DLG2: variants seen among roughly 807,000 people sequenced by gnomAD.
DLG2 encodes discs large MAGUK scaffold protein 2.
In DLG2, 45 loss-of-function variants were observed where a neutral mutation model predicts 132.5. That is an observed-to-expected ratio of 0.34 (90% CI 0.27 to 0.44). The LOEUF is 0.44. Ranked by LOEUF, DLG2 falls within the 20% of genes least tolerant of loss-of-function variation. DLG2 has a pLI of 1.00. For synonymous variants in DLG2, 424 were observed against 419.6 expected, an observed-to-expected ratio of 1.01 and a Z score of -0.13; for missense variants, 1,045 against 1,196.9, an observed-to-expected ratio of 0.87 and a Z score of 1.87.
intron 19 of DLG2, among the ~76,000 whole-genome samples, chr11:83,599,268 C>T (rs1163634717): frequency 6.6e-6 from 1 of 152,162 alleles, no homozygotes; most frequent in African/African-American, 2.4e-5. Flanking sequence ...TCTCGGACTT[C>T]CCCTTCCCTC....
intron 18 of DLG2, among the ~76,000 whole-genome samples, chr11:83,662,865 G>T (rs1356495957): frequency 6.6e-6 from 1 of 152,180 alleles, no homozygotes; most frequent in African/African-American, 2.4e-5. Context: ...CAGGATCACA[G>T]GATTTTGTGG....
intron 3 of DLG2, among the ~76,000 whole-genome samples, chr11:85,474,950 C>G (rs1055924883): frequency 2.7e-5 from 4 of 150,304 alleles, no homozygotes; most frequent in Non-Finnish European, 4.5e-5. Flanking sequence ...ATTTAAAAGG[C>G]AGAAAAATAT....
intron 8 of DLG2, among the ~76,000 whole-genome samples, chr11:84,216,475 T>C (rs1413196245): frequency 1.3e-5 from 2 of 152,236 alleles, no homozygotes; most frequent in African/African-American, 2.4e-5. Flanking sequence ...ATATTTGTTT[T>C]ACATGTAACG....
intron 6 of DLG2, among the ~76,000 whole-genome samples, chr11:85,042,432 GC>G (rs1184750477): frequency 1.3e-5 from 2 of 151,966 alleles, no homozygotes; most frequent in African/African-American, 4.8e-5. Context: ...CTTAATTCTT[GC>G]AACATCCAAT....
intron 6 of DLG2, among the ~76,000 whole-genome samples, chr11:84,961,690 T>C (rs2052603409): frequency 2.6e-5 from 4 of 152,112 alleles, no homozygotes; most frequent in Non-Finnish European, 5.9e-5. Context: ...GATAAGGACA[T>C]AAATGTTAAT....
At chr11:85,022,753 C>T (rs1434455291) in intron 6 of DLG2, among the ~76,000 whole-genome samples, 4 of 151,924 alleles carry the variant, frequency 2.6e-5, no homozygotes, top group African/African-American at 9.7e-5. Flanking sequence ...TGATATGTAC[C>T]CGAACAAGTT....
At chr11:84,402,994 TTC>T (rs58666610) in intron 7 of DLG2, among the ~76,000 whole-genome samples, 173 of 148,510 alleles carry the variant, frequency 1.2e-3, no homozygotes, top group Non-Finnish European at 1.1e-3. Context: ...CCCACTCCAA[TTC>T]TCTCTCTCTC....
At chr11:85,092,881 T>C (rs371887062) in intron 6 of DLG2, among the ~76,000 whole-genome samples, 1 of 152,292 alleles carries the variant, frequency 6.6e-6, no homozygotes, top group East Asian at 1.9e-4. Flanking sequence ...GACCTCATGA[T>C]CCACCTGTCT....
chr11:83,998,824 G>C (rs1006927364), intron 11 of DLG2, among the ~76,000 whole-genome samples: 4 of 152,130 alleles, frequency 2.6e-5, no homozygotes, highest in African/African-American at 9.7e-5. Flanking sequence ...CAGTGCCAGG[G>C]CTAAGGTGCA....
chr11:83,776,010 T>C (rs1443319481), intron 18 of DLG2, among the ~76,000 whole-genome samples: 1 of 152,210 alleles, frequency 6.6e-6, no homozygotes, highest in Non-Finnish European at 1.5e-5. Flanking sequence ...GAGAATGGTG[T>C]GAACCCAGGA....
At chr11:83,997,440 C>T (rs750882638) in intron 11 of DLG2, among the ~76,000 whole-genome samples, 2 of 151,972 alleles carry the variant, frequency 1.3e-5, no homozygotes, top group Non-Finnish European at 2.9e-5. Context: ...ACTGTAAAGA[C>T]TATGCCAAAT....
rs2059995856 is a variant in DLG2, at chr11:85,020,856, T to C, written c.357+90805A>G. On this transcript the variant is annotated intron_variant, in intron 6 of 27. Coordinates refer to ENST00000376104, the MANE Select transcript of DLG2 (RefSeq NM_001142699.3). ...GCTGGCCATCCCCCAATCTTCATTG[T>C]CATCATCCAGTAGGTCCCCCTCCTC... 1.5e-5 allele frequency: 11 copies of C among 757,008 alleles called. 1 individual carries two copies. In the East Asian group the frequency reaches 2.5e-4, roughly 17 times the overall value. The allele number at this position is 757,008 out of a possible 1,614,324, so 46.9% of individuals were successfully genotyped here.
chr11:85,480,294 A>G (rs1350099201), intron 3 of DLG2, among the ~76,000 whole-genome samples: 1 of 152,220 alleles, frequency 6.6e-6, no homozygotes, highest in East Asian at 1.9e-4. Context: ...AAAAACAGTT[A>G]CAAAATATTC....
intron 18 of DLG2, among the ~76,000 whole-genome samples, chr11:83,670,832 T>A (rs1158834796): frequency 6.6e-6 from 1 of 152,164 alleles, no homozygotes; most frequent in Non-Finnish European, 1.5e-5. Flanking sequence ...AAATTGATAT[T>A]TCCAATAATA....
At chr11:84,234,081 A>T (rs2097128686) in intron 8 of DLG2, among the ~76,000 whole-genome samples, 1 of 152,176 alleles carries the variant, frequency 6.6e-6, no homozygotes, top group Non-Finnish European at 1.5e-5. Flanking sequence ...AGAATGCCTC[A>T]CATGCAGCAC....
rs1001860345 is a variant in DLG2, at chr11:84,299,838, A to G, written c.520-48547T>C. On this transcript the variant is annotated intron_variant, in intron 7 of 27. Coordinates refer to ENST00000376104, the MANE Select transcript of DLG2 (RefSeq NM_001142699.3). ...CTTCGAAAATAATGTTTCTTCTACT[A>G]GAAACCAGACTGCTGTCATGCTGCA... Among the ~76,000 whole-genome samples, 3 of 152,200 alleles carry G rather than the reference A, an allele frequency of 2.0e-5. No homozygotes were observed. The South Asian group carries it at 6.2e-4, about 31-fold the overall frequency.
chr11:85,155,880 C>T (rs1180210358), intron 4 of DLG2, among the ~76,000 whole-genome samples: 1 of 151,858 alleles, frequency 6.6e-6, no homozygotes, highest in East Asian at 1.9e-4. Flanking sequence ...AAAAAAATCC[C>T]CTCACTTTAA....
chr11:83,761,770 G>A (rs2093921876), intron 18 of DLG2, among the ~76,000 whole-genome samples: 1 of 152,184 alleles, frequency 6.6e-6, no homozygotes, highest in Admixed American at 6.5e-5. Flanking sequence ...GAAACATGGA[G>A]GCCGGGAGCT....
chr11:83,635,609 A>G (rs2064598143), intron 18 of DLG2, among the ~76,000 whole-genome samples: 1 of 152,170 alleles, frequency 6.6e-6, no homozygotes, highest in African/African-American at 2.4e-5. Context: ...CTGTGTGTAC[A>G]TACACACATA....
Sources: allele counts gnomAD v4.1 joint callset (sites outside exome capture counted in the v4.1 genomes callset), GRCh38; gene constraint gnomAD v4.1.1; transcripts MANE v1.5; gene names NCBI Gene and HGNC (gene_info 2026-07-23, HGNC 2026-07-21).